The following USP1 variants were observed in gnomAD, a reference collection of about 807,000 sequenced individuals.
The protein encoded by USP1 is ubiquitin specific peptidase 1, also known as ubiquitin carboxyl-terminal hydrolase 1.
In USP1, 18 loss-of-function variants were observed where a neutral mutation model predicts 72.2. The ratio of observed to expected loss-of-function variants is 0.25; its 90% confidence interval spans 0.17 to 0.37. The LOEUF (loss-of-function observed/expected upper bound fraction) is 0.37. Ranked by LOEUF, USP1 falls within the 10% of genes least tolerant of loss-of-function variation. USP1 has a pLI of 1.00. For synonymous variants in USP1, 354 were observed against 303.7 expected, an observed-to-expected ratio of 1.17 and a Z score of -1.72; for missense variants, 759 against 884.9, an observed-to-expected ratio of 0.86 and a Z score of 1.81.
intron 5 of USP1, among the ~76,000 whole-genome samples, 199 bp downstream of exon 5, chr1:62,443,518 A>G (rs530901571): frequency 6.6e-6 from 1 of 152,320 alleles, no homozygotes; most frequent in South Asian, 2.1e-4. Flanking sequence ...ATCTGAACAT[A>G]TTATATGAGG....
In USP1 at chr1:62,447,286, G is replaced by A. The variant is rs1645182316; in HGVS notation, c.1250-55G>A. The A allele has an allele frequency of 6.0e-6, 9 of 1,499,030 alleles. No homozygotes were observed. In the Admixed American group the frequency reaches 2.0e-4, roughly 33 times the overall value. 92.9% of individuals were successfully genotyped at this position (1,499,030 alleles called of 1,614,324 possible). ...ATTTAAATGGAAAATTGGTTATTTG[G>A]ACTATAATGAGAAACTAATCTGTAT... On this transcript the variant is annotated intron_variant, in intron 6 of 8. Transcript: ENST00000339950.
intron 1 of USP1, among the ~76,000 whole-genome samples, chr1:62,439,345 C>T (rs990132136): frequency 1.3e-5 from 2 of 152,066 alleles, no homozygotes; most frequent in African/African-American, 2.4e-5. Context: ...CCAGCACGCC[C>T]GGCTAATTTT....
At position 62,450,236 on chromosome 1, in the gene USP1, C is replaced by T; in HGVS notation, c.1623-10C>T. 1 of 1,576,248 alleles carries T rather than the reference C, an allele frequency of 6.3e-7. No homozygotes were observed. The highest frequency in any genetic ancestry group is 8.6e-7 in the Non-Finnish European group (1 of 1,162,568). On this transcript the variant is annotated splice_polypyrimidine_tract_variant and intron_variant, in intron 8 of 8. Coordinates refer to ENST00000339950, the MANE Select transcript of USP1 (RefSeq NM_003368.5). Reference sequence around the variant, plus strand: ...ACTGCAGGAAACCTTTTCTTTTTTTCCTCCCAAAGGTTTGATTGTTATGGT... The same window carrying T: ...ACTGCAGGAAACCTTTTCTTTTTTTTCTCCCAAAGGTTTGATTGTTATGGT...
At position 62,447,242 on chromosome 1, in the gene USP1, G is replaced by C. The variant is rs745420092; in HGVS notation, c.1250-99G>C. 6.8e-6 allele frequency: 8 copies of C among 1,171,798 alleles called. No homozygotes were observed. In the East Asian group the frequency reaches 7.7e-5, roughly 11 times the overall value. 72.6% of individuals were successfully genotyped at this position (1,171,798 alleles called of 1,614,324 possible). ...TAAGCTGATCTATGAAAATGGAACT[G>C]TTATTCATGATATACTTTATTTAAA... On this transcript the variant is annotated intron_variant, in intron 6 of 8. Coordinates refer to ENST00000339950, the MANE Select transcript of USP1 (RefSeq NM_003368.5).
chr1:62,445,229 G>T lies in USP1; in HGVS notation c.1049G>T (p.Ser350Ile), dbSNP rs148266508. 3.1e-6 allele frequency: 5 copies of T among 1,612,030 alleles called. No homozygotes were observed. The African/African-American group carries it at 6.7e-5, about 22-fold the overall frequency. The change falls in exon 6 of 9, where the codon AGC becomes ATC. Residue 350 changes from serine to isoleucine, a missense_variant. Coordinates refer to ENST00000339950, the MANE Select transcript of USP1 (RefSeq NM_003368.5). The stretch of plus-strand genomic sequence containing the variant: ...TTAAAGTCTGCAACTAAGCAACCCA[G>T]CATTCTTTCTAAATTTTGTAGTCTG... ...NWLKSATKQPSILSKFCSLGK... is the reference protein window; with the variant it reads ...NWLKSATKQPIILSKFCSLGK...
intron 2 of USP1, among the ~76,000 whole-genome samples, chr1:62,440,514 A>G (rs1254387539): frequency 6.6e-6 from 1 of 152,198 alleles, no homozygotes; most frequent in African/African-American, 2.4e-5. Flanking sequence ...TGATGCAAAT[A>G]AATTATTTAG....
rs1166187733 is a variant in USP1, at chr1:62,451,785, C to T, written c.*804C>T. The T allele has an allele frequency of 1.3e-5, 2 of 152,380 alleles. No homozygotes were observed. The highest frequency in any genetic ancestry group is 2.9e-5 in the Non-Finnish European group (2 of 68,010). The allele number at this position is 152,380 out of a possible 1,614,324, so 9.4% of individuals were successfully genotyped here. A position where few individuals can be genotyped will look rare whatever the true frequency, so the allele number is the denominator to read the frequency against. Reference sequence around the variant, plus strand: ...TACTTGTATATTTTTATAAATACAGCTGAGTTTTCTTAAAGCGAATAAGTG... The same window carrying T: ...TACTTGTATATTTTTATAAATACAGTTGAGTTTTCTTAAAGCGAATAAGTG... On this transcript the variant is annotated 3_prime_UTR_variant, in exon 9 of 9. Transcript: ENST00000339950.
At chr1:62,438,571 A>T (rs1424032643) in intron 1 of USP1, among the ~76,000 whole-genome samples, 1 of 152,192 alleles carries the variant, frequency 6.6e-6, no homozygotes, top group Non-Finnish European at 1.5e-5. Context: ...TCTGCATTTT[A>T]AATTTGAAAC....
rs1431223309 is a variant in USP1, at chr1:62,450,138, CTG to C, written c.1623-107_1623-106del. On this transcript the variant is annotated intron_variant, in intron 8 of 8. Transcript: ENST00000339950. ...ATTCTGCTTTTCTGATATATGAACA[CTG>C]GATATTAAGGGTTCATTCAGATTTT... The C allele has an allele frequency of 5.2e-6, 7 of 1,355,438 alleles. No individual in the cohort carries two copies. The African/African-American group carries it at 1.0e-4, about 20-fold the overall frequency. 84.0% of individuals were successfully genotyped at this position (1,355,438 alleles called of 1,614,324 possible). A position where few individuals can be genotyped will look rare whatever the true frequency, so the allele number is the denominator to read the frequency against.
chr1:62,444,897 G>A lies in USP1; in HGVS notation c.717G>A (p.Pro239=), dbSNP rs774615323. 1.2e-5 allele frequency: 20 copies of A among 1,613,476 alleles called. No individual in the cohort carries two copies. The highest frequency in any genetic ancestry group is 1.6e-4 in the Middle Eastern group (1 of 6,074). The change falls in exon 6 of 9, where the codon CCG becomes CCA. Residue 239 remains proline, a synonymous_variant. Coordinates refer to ENST00000339950, the MANE Select transcript of USP1 (RefSeq NM_003368.5). ...CTAAGGTAGAAGAAATACCTCATCC[G>A]AAAGAGGAAATGAATGGTATTAACA... The part of the protein sequence containing the change: ...LPTKVEEIPH[P]KEEMNGINSI...
At position 62,447,527 on chromosome 1, in the gene USP1, G is replaced by A. The variant is rs754053275; in HGVS notation, c.1420+16G>A. 1.9e-6 allele frequency: 3 copies of A among 1,606,060 alleles called. No homozygotes were observed. In the African/African-American group the frequency reaches 4.0e-5, roughly 22 times the overall value. ...AGTTCTGAAAGTAAGCAAAATTGGA[G>A]TCTTGTGTGGACCATGATGGAATAT... On this transcript the variant is annotated intron_variant, in intron 7 of 8. Transcript: ENST00000339950.
intron 2 of USP1, among the ~76,000 whole-genome samples, chr1:62,440,407 C>T (rs891984267): frequency 7.4e-6 from 1 of 135,104 alleles, no homozygotes; most frequent in Non-Finnish European, 1.6e-5. Context: ...GAAGACTTGA[C>T]AGTTATAAGA....
chr1:62,450,552 A>C lies in USP1; in HGVS notation c.1929A>C (p.Glu643Asp), dbSNP rs761506164. Reference sequence around the variant, plus strand: ...TGGTTGAGAATTATAATGATGAAGAAGTGTCAATTAGAGTTGGTGGAAATA... The same window carrying C: ...TGGTTGAGAATTATAATGATGAAGACGTGTCAATTAGAGTTGGTGGAAATA... ...RGVVENYNDE[E>D]VSIRVGGNTQ... The change falls in exon 9 of 9, where the codon GAA becomes GAC. Residue 643 changes from glutamate (E) to aspartate (D), a missense_variant. Transcript: ENST00000339950. 1.2e-6 allele frequency: 2 copies of C among 1,613,880 alleles called. No individual in the cohort carries two copies. The highest frequency in any genetic ancestry group is 2.7e-5 in the African/African-American group (2 of 74,926).
At chr1:62,449,742 T>G (rs1335774852) in intron 8 of USP1, among the ~76,000 whole-genome samples, 2 of 151,776 alleles carry the variant, frequency 1.3e-5, no homozygotes, top group African/African-American at 4.8e-5. Flanking sequence ...CAAAACCCTA[T>G]CTCTACAAAA....
chr1:62,447,787 G>GT (rs748403860), intron 7 of USP1, among the ~76,000 whole-genome samples: 26 of 151,672 alleles, frequency 1.7e-4, no homozygotes, highest in African/African-American at 5.3e-4. Flanking sequence ...GCTACTGAGG[G>GT]TTTTTTTTAA....
Position 62,449,905 on chromosome 1 carries a change from TAAAA to T in USP1, c.1623-331_1623-328del, listed in dbSNP as rs547815480. On this transcript the variant is annotated intron_variant, in intron 8 of 8. Coordinates refer to ENST00000339950, the MANE Select transcript of USP1 (RefSeq NM_003368.5). ...TCAGCCTGGGTGACAGACCCTGCCT[TAAAA>T]AAAAAAAAACCCAAAACGTAACATT... Among the ~76,000 whole-genome samples, 185 of 141,800 alleles carry T rather than the reference TAAAA, an allele frequency of 1.3e-3. 2 individuals are homozygous for T. Among genetic ancestry groups the T allele is most frequent in the African/African-American group, 4.1e-3 (159 of 38,810 alleles). 93.0% of individuals were successfully genotyped at this position (141,800 alleles called of 152,430 possible).
chr1:62,437,032 G>T, upstream of USP1: 1 of 398,480 alleles, frequency 2.5e-6, no homozygotes, highest in South Asian at 1.3e-4. Context: ...CTAAAACACG[G>T]GGGTCCTGAG....
In USP1 at chr1:62,448,684, G is replaced by A; in HGVS notation, c.1622+18G>A. ...GGTTTGGAGTAAGTATTGTAAATAAGAACTATATGAAGAAAATGAGCTGCT... is the reference window on the plus strand; with the variant it reads ...GGTTTGGAGTAAGTATTGTAAATAAAAACTATATGAAGAAAATGAGCTGCT... On this transcript the variant is annotated intron_variant, in intron 8 of 8. Transcript: ENST00000339950. 6.2e-7 allele frequency: 1 copy of A among 1,606,632 alleles called. No individual in the cohort carries two copies. The highest frequency in any genetic ancestry group is 8.5e-7 in the Non-Finnish European group (1 of 1,175,914).
rs530641299 is a variant in USP1, at chr1:62,450,665, A to G, written c.2042A>G (p.Tyr681Cys). ...AAGAGCAAAGCAGATTATGAGCTAT[A>G]CAACAAAGCCTCTAATCCTGATAAG... ...GQKSKADYEL[Y>C]NKASNPDKVA... The change falls in exon 9 of 9, where the codon TAC (tyrosine) becomes TGC (cysteine). Residue 681 changes from tyrosine to cysteine, a missense_variant. Transcript: ENST00000339950. The G allele has an allele frequency of 4.5e-5, 72 of 1,614,182 alleles. 2 individuals are homozygous for G. In the South Asian group the frequency reaches 7.7e-4, roughly 17 times the overall value.
Sources: gnomAD v4.1 joint callset for allele counts (sites outside exome capture counted in the v4.1 genomes callset) on GRCh38, gnomAD v4.1.1 for gene constraint, MANE v1.5 for transcripts, NCBI Gene and HGNC (gene_info 2026-07-23, HGNC 2026-07-21) for gene names.